Variants in FBLN7 observed in about 807,000 individuals in gnomAD.
The protein encoded by FBLN7 is fibulin 7.
In FBLN7, 31 loss-of-function variants were observed where a neutral mutation model predicts 44.0. The ratio of observed to expected loss-of-function variants is 0.70; its 90% CI spans 0.53 to 0.95. The LOEUF (loss-of-function observed/expected upper bound fraction) is 0.95, where lower values mean the gene tolerates loss of function less well. Ranked by LOEUF, FBLN7 falls within the 40% of genes least tolerant of loss-of-function variation. The pLI is 0.00. For missense variants in FBLN7, 573 were observed against 618.5 expected, an observed-to-expected ratio of 0.93 and a Z score of 0.78; for synonymous variants, 262 against 253.4, an observed-to-expected ratio of 1.03 and a Z score of -0.32.
intron 1 of FBLN7, among the ~76,000 whole-genome samples, chr2:112,140,134 G>T (rs1680558996): frequency 8.4e-6 from 1 of 119,470 alleles, no homozygotes; most frequent in Non-Finnish European, 1.7e-5. Flanking sequence ...TGTCCCTCCC[G>T]CCTCTCTCCA....
At chr2:112,207,714 C>T in the FBLN7 span, among the ~76,000 whole-genome samples, 5 of 152,130 alleles carry the variant, frequency 3.3e-5, no homozygotes, top group Non-Finnish European at 7.4e-5. Flanking sequence ...AATGTATACA[C>T]GTTTTGGATT....
intron 3 of FBLN7, among the ~76,000 whole-genome samples, chr2:112,166,783 G>A (rs1176247802): frequency 6.6e-6 from 1 of 152,128 alleles, no homozygotes; most frequent in East Asian, 1.9e-4. Flanking sequence ...TTTCCTTCTC[G>A]GTCTACTCCG....
At chr2:112,212,723 G>C in the FBLN7 span, 1 of 152,028 alleles carries the variant, frequency 6.6e-6, no homozygotes, top group Admixed American at 6.6e-5. Context: ...TCTTAAGACA[G>C]CTGTCTCTGT....
At chr2:112,178,814 A>G (rs914057495) in intron 4 of FBLN7, among the ~76,000 whole-genome samples, 1 of 152,230 alleles carries the variant, frequency 6.6e-6, no homozygotes, top group Non-Finnish European at 1.5e-5. Context: ...TTCATGTTAA[A>G]AACTCTCAAC....
intron 3 of FBLN7, among the ~76,000 whole-genome samples, chr2:112,170,864 G>A (rs988402183): frequency 2.6e-5 from 4 of 152,250 alleles, no homozygotes; most frequent in Admixed American, 1.3e-4. Flanking sequence ...GGGAGAGATT[G>A]TGGCAGCGGA....
intron 2 of FBLN7, among the ~76,000 whole-genome samples, chr2:112,164,151 C>T (rs1682015477): frequency 6.6e-6 from 1 of 152,208 alleles, no homozygotes; most frequent in African/African-American, 2.4e-5. Context: ...TGGGTTTTGT[C>T]TATTTTGTTC....
the FBLN7 span, among the ~76,000 whole-genome samples, chr2:112,202,258 T>G: frequency 6.6e-6 from 1 of 152,182 alleles, no homozygotes; most frequent in Non-Finnish European, 1.5e-5. Context: ...TGAGTGCAAT[T>G]GCGTTCCCCA....
chr2:112,180,871 G>A lies in FBLN7; in HGVS notation c.533-868G>A, dbSNP rs181189573. Among the ~76,000 whole-genome samples, 327 of 141,998 alleles carry A rather than the reference G, an allele frequency of 2.3e-3. 1 individual carries two copies. The highest frequency in any genetic ancestry group is 4.7e-3 in the African/African-American group (180 of 38,120). The allele number at this position is 141,998 out of a possible 152,430, so 93.2% of individuals were successfully genotyped here. On this transcript the variant is annotated intron_variant, in intron 4 of 7. Coordinates refer to ENST00000331203, the MANE Select transcript of FBLN7 (RefSeq NM_153214.3). ...CCGGGAGGCAGAGCTCGCAGTGAGC[G>A]GAGATCGTGCCACTGCACTCCAGCC...
chr2:112,159,172 G>A (rs553253965), intron 1 of FBLN7, among the ~76,000 whole-genome samples: 1 of 148,384 alleles, frequency 6.7e-6, no homozygotes, highest in African/African-American at 2.5e-5. Flanking sequence ...TTTATTGAAT[G>A]CCTCTTTAAC....
chr2:112,188,029 G>T lies in FBLN7; in HGVS notation c.*523G>T, dbSNP rs1269717948. On this transcript the variant is annotated 3_prime_UTR_variant, in exon 8 of 8. Coordinates refer to ENST00000331203, the MANE Select transcript of FBLN7 (RefSeq NM_153214.3). ...TTATCTGCCTTTTCCTCTGTGACAT[G>T]CCTGCCTGCCTGCCTTCTCATCAGA... The T allele has an allele frequency of 1.3e-5, 2 of 159,236 alleles. No individual in the cohort carries two copies. Among genetic ancestry groups the T allele is most frequent in the African/African-American group, 4.8e-5 (2 of 41,620 alleles). The allele number at this position is 159,236 out of a possible 1,614,324, so 9.9% of individuals were successfully genotyped here. A position where few individuals can be genotyped will look rare whatever the true frequency, so the allele number is the denominator to read the frequency against.
rs191754501 is a variant in FBLN7 at position 112,163,532 on chromosome 2, A to G, written c.236-1469A>G. ...TCGCCCATGCGTGATGCTCTGTTGC[A>G]AAAAGAAGAGGAACAGGCTAGCTTC... On this transcript the variant is annotated intron_variant, in intron 2 of 7. Coordinates refer to ENST00000331203, the MANE Select transcript of FBLN7 (RefSeq NM_153214.3). 1.1e-3 allele frequency among the ~76,000 whole-genome samples: 160 copies of G among 152,344 alleles called. 1 individual carries two copies. Among genetic ancestry groups the G allele is most frequent in the South Asian group, 1.7e-3 (8 of 4,828 alleles).
At chr2:112,222,773 G>C in the FBLN7 span, among the ~76,000 whole-genome samples, 5 of 152,214 alleles carry the variant, frequency 3.3e-5, no homozygotes, top group African/African-American at 1.2e-4. Flanking sequence ...TTGAAGACAA[G>C]AGGAAATGGG....
At chr2:112,240,838 CATG>C in the FBLN7 span, among the ~76,000 whole-genome samples, 1 of 152,080 alleles carries the variant, frequency 6.6e-6, no homozygotes, top group African/African-American at 2.4e-5. Flanking sequence ...AGCATACGAA[CATG>C]ATTACATCCC....
intron 2 of FBLN7, among the ~76,000 whole-genome samples, chr2:112,160,772 AGACG>A (rs1211513743): frequency 6.4e-4 from 25 of 38,822 alleles, no homozygotes; most frequent in Non-Finnish European, 9.1e-4. Context: ...ACGCACACGC[AGACG>A]CACACGCACG....
chr2:112,190,783 T>C (rs573375795), downstream of FBLN7: 2 of 152,294 alleles, frequency 1.3e-5, no homozygotes, highest in African/African-American at 4.8e-5. Flanking sequence ...TTCCTTCTAG[T>C]GGGGGATGGT....
chr2:112,231,385 T>C, the FBLN7 span, among the ~76,000 whole-genome samples: 15 of 152,316 alleles, frequency 9.8e-5, no homozygotes, highest in African/African-American at 3.6e-4. Context: ...TACAAATGAC[T>C]GTAACTTTTC....
the FBLN7 span, chr2:112,233,405 A>G: frequency 7.4e-7 from 1 of 1,350,708 alleles, no homozygotes; most frequent in Non-Finnish European, 1.0e-6. Context: ...AAAAGCCATT[A>G]TTTCTCATAG....
chr2:112,232,139 G>C, the FBLN7 span, among the ~76,000 whole-genome samples: 1 of 151,896 alleles, frequency 6.6e-6, no homozygotes, highest in South Asian at 2.1e-4. Flanking sequence ...GCGAAACCTC[G>C]CCTTTACTAA....
the FBLN7 span, among the ~76,000 whole-genome samples, chr2:112,241,008 T>G: frequency 7.5e-6 from 1 of 132,688 alleles, no homozygotes; most frequent in Non-Finnish European, 1.7e-5. Flanking sequence ...TGTGTTGTGT[T>G]TTGTGTGTGT....
Sources: gnomAD v4.1 joint callset for allele counts (sites outside exome capture counted in the v4.1 genomes callset) on GRCh38, gnomAD v4.1.1 for gene constraint, MANE v1.5 for transcripts, NCBI Gene and HGNC (gene_info 2026-07-23, HGNC 2026-07-21) for gene names.